The following SLC16A10 variants were observed in gnomAD, a reference collection of about 807,000 sequenced individuals.
SLC16A10 encodes monocarboxylate transporter 10.
SLC16A10 carries 27 observed loss-of-function variants against 40.0 expected under a neutral mutation model. That is an observed-to-expected ratio of 0.67 (90% CI 0.50 to 0.93). The LOEUF is 0.93. SLC16A10 is among the 40% of genes least tolerant of loss of function. SLC16A10 has a pLI of 0.00. For synonymous variants in SLC16A10, 213 were observed against 249.8 expected (o/e 0.85, Z 1.39); for missense variants, 529 against 658.2 (o/e 0.80, Z 2.15).
At chr6:111,117,602 A>G (rs1200933390) in intron 1 of SLC16A10, among the ~76,000 whole-genome samples, 1 of 152,190 alleles carries the variant, frequency 6.6e-6, no homozygotes, top group Non-Finnish European at 1.5e-5. Flanking sequence ...GAGGGCATGA[A>G]GTACTATTTC....
At chr6:111,214,441 A>T (rs1031389718) in intron 4 of SLC16A10, among the ~76,000 whole-genome samples, 1 of 152,342 alleles carries the variant, frequency 6.6e-6, no homozygotes, top group Middle Eastern at 3.4e-3. Context: ...GGAGTGATGA[A>T]GCATTGAACC....
intron 1 of SLC16A10, among the ~76,000 whole-genome samples, chr6:111,129,645 A>G (rs1771746022): frequency 6.6e-6 from 1 of 152,208 alleles, no homozygotes; most frequent in Non-Finnish European, 1.5e-5. Flanking sequence ...ATGGCATTCA[A>G]AGGCCTCCAA....
intron 1 of SLC16A10, among the ~76,000 whole-genome samples, chr6:111,137,492 T>C (rs1330027157): frequency 1.3e-5 from 2 of 152,222 alleles, no homozygotes; most frequent in African/African-American, 4.8e-5. Flanking sequence ...GTTTGTCTCT[T>C]ACAGAATTGA....
intron 1 of SLC16A10, among the ~76,000 whole-genome samples, chr6:111,104,295 G>T (rs1300924212): frequency 6.6e-6 from 1 of 152,160 alleles, no homozygotes; most frequent in Non-Finnish European, 1.5e-5. Flanking sequence ...CAATTACAAA[G>T]CCCCGACCGA....
intron 3 of SLC16A10, among the ~76,000 whole-genome samples, chr6:111,191,050 G>A (rs1772982239): frequency 6.6e-6 from 1 of 152,020 alleles, no homozygotes; most frequent in South Asian, 2.1e-4. Flanking sequence ...TTAAGTTATG[G>A]AATACATGTG....
intron 1 of SLC16A10, among the ~76,000 whole-genome samples, chr6:111,171,099 C>T (rs140124837): frequency 2.0e-5 from 3 of 152,158 alleles, no homozygotes; most frequent in Non-Finnish European, 4.4e-5. Context: ...ATTGCGTCAC[C>T]GCACTCCAGC....
At chr6:111,130,137 G>T (rs1355299704) in intron 1 of SLC16A10, among the ~76,000 whole-genome samples, 1 of 152,152 alleles carries the variant, frequency 6.6e-6, no homozygotes, top group Non-Finnish European at 1.5e-5. Flanking sequence ...ACTTATTTGT[G>T]TGCTTTTAAG....
At chr6:111,123,102 G>A (rs141787225) in intron 1 of SLC16A10, among the ~76,000 whole-genome samples, 115 of 152,314 alleles carry the variant, frequency 7.6e-4, no homozygotes, top group African/African-American at 2.7e-3. Context: ...TACCATGTAT[G>A]TTTTTATCGT....
At chr6:111,103,756 G>C (rs956142920) in intron 1 of SLC16A10, among the ~76,000 whole-genome samples, 1 of 152,136 alleles carries the variant, frequency 6.6e-6, no homozygotes, top group East Asian at 1.9e-4. Context: ...TAGGTGTTAC[G>C]AGATTGGGAG....
chr6:111,206,627 A>T lies in SLC16A10; in HGVS notation c.978A>T (p.Lys326Asn), dbSNP rs2114583525. The change falls in exon 4 of 6, where the codon AAA becomes AAT. Residue 326 changes from lysine (K) to asparagine (N), a missense_variant. Coordinates refer to ENST00000368851, the MANE Select transcript of SLC16A10 (RefSeq NM_018593.5). ...KHVNERFQDEKNKEVVLMCIG... is the reference protein window; with the variant it reads ...KHVNERFQDENNKEVVLMCIG... ...TAAATGAAAGATTTCAAGATGAAAA[A>T]AATAAAGAGGTTGTTCTCATGTGCA... is the stretch of plus-strand genomic sequence containing the variant. The T allele has an allele frequency of 6.2e-7, 1 of 1,614,114 alleles. No homozygotes were observed. The highest frequency in any genetic ancestry group is 2.2e-5 in the East Asian group (1 of 44,858).
rs1771878775 is a variant in SLC16A10 at position 111,136,431 on chromosome 6, A to C, written c.344-36264A>C. On this transcript the variant is annotated intron_variant, in intron 1 of 5. Coordinates refer to ENST00000368851, the MANE Select transcript of SLC16A10 (RefSeq NM_018593.5). ...GCAGTTAAAATAATACAAGGAAGAG[A>C]TCTTACTGTGTGAACCTCTCATGAT... 2.6e-5 allele frequency among the ~76,000 whole-genome samples: 4 copies of C among 152,182 alleles called. 1 individual carries two copies. In the South Asian group the frequency reaches 8.3e-4, roughly 31 times the overall value.
At chr6:111,173,902 C>A (rs948373881) in intron 2 of SLC16A10, among the ~76,000 whole-genome samples, 1 of 152,178 alleles carries the variant, frequency 6.6e-6, no homozygotes, top group Admixed American at 6.5e-5. Flanking sequence ...CCTCCCCCGG[C>A]ACCATCCATG....
At chr6:111,123,504 A>G (rs1771620392) in intron 1 of SLC16A10, among the ~76,000 whole-genome samples, 1 of 152,168 alleles carries the variant, frequency 6.6e-6, no homozygotes, top group African/African-American at 2.4e-5. Context: ...GTATTAGTCC[A>G]CTTCCTCAGT....
intron 4 of SLC16A10, among the ~76,000 whole-genome samples, chr6:111,218,585 A>C (rs1282730906): frequency 6.6e-6 from 1 of 152,128 alleles, no homozygotes; most frequent in East Asian, 1.9e-4. Flanking sequence ...GCTCAAAAAC[A>C]ATACGTTTTT....
At chr6:111,108,442 A>C (rs997945959) in intron 1 of SLC16A10, among the ~76,000 whole-genome samples, 1 of 152,174 alleles carries the variant, frequency 6.6e-6, no homozygotes, top group Non-Finnish European at 1.5e-5. Flanking sequence ...GACATGATTA[A>C]ATTCCTGGGA....
At chr6:111,210,743 G>A (rs1011382097) in intron 4 of SLC16A10, among the ~76,000 whole-genome samples, 1 of 152,264 alleles carries the variant, frequency 6.6e-6, no homozygotes, top group East Asian at 1.9e-4. Context: ...TGCTTTAAGA[G>A]TAGTGGATTT....
At chr6:111,183,664 G>A (rs1772844229) in intron 3 of SLC16A10, among the ~76,000 whole-genome samples, 1 of 152,186 alleles carries the variant, frequency 6.6e-6, no homozygotes, top group Non-Finnish European at 1.5e-5. Flanking sequence ...CAACAAATAA[G>A]CTCAAACTAA....
Position 111,097,939 on chromosome 6 carries a change from A to G in SLC16A10, c.343+9844A>G, listed in dbSNP as rs186674043. On this transcript the variant is annotated intron_variant, in intron 1 of 5. Transcript: ENST00000368851. ...AGGTGCATTGGTCTACAGTTCAGCT[A>G]GTACCTATTTTTTGCTAAAGATTAA... 1.5e-3 allele frequency among the ~76,000 whole-genome samples: 235 copies of G among 152,326 alleles called. 3 individuals carry two copies. The highest frequency in any genetic ancestry group is 2.1e-3 in the Admixed American group (32 of 15,302).
At chr6:111,154,819 C>T (rs1772238129) in intron 1 of SLC16A10, among the ~76,000 whole-genome samples, 1 of 151,856 alleles carries the variant, frequency 6.6e-6, no homozygotes, top group Admixed American at 6.6e-5. Context: ...ATGGAAACCT[C>T]GTCTCTACTG....
Sources: allele counts gnomAD v4.1 joint callset (sites outside exome capture counted in the v4.1 genomes callset), GRCh38; gene constraint gnomAD v4.1.1; transcripts MANE v1.5; gene names NCBI Gene and HGNC (gene_info 2026-07-23, HGNC 2026-07-21).